ST6GALNAC5: variants seen among roughly 807,000 people sequenced by gnomAD.
ST6GALNAC5 encodes the protein ST6 N-acetylgalactosaminide alpha-2,6-sialyltransferase 5.
Under a neutral mutation model 33.6 loss-of-function variants are expected in ST6GALNAC5, and 27 were observed. The ratio of observed to expected loss-of-function variants is 0.80; its 90% CI spans 0.59 to 1.11. ST6GALNAC5 has a LOEUF of 1.11. Ranked by LOEUF, ST6GALNAC5 falls within the 50% of genes least tolerant of loss-of-function variation. The probability of loss-of-function intolerance (pLI) is 0.00; values close to 1 mark genes in which losing one functional copy is unlikely to be tolerated. For missense variants in ST6GALNAC5, 428 were observed against 454.0 expected (o/e 0.94, Z 0.52); for synonymous variants, 194 against 171.2 (o/e 1.13, Z -1.04).
chr1:76,982,830 A>G (rs1225094826), intron 2 of ST6GALNAC5, among the ~76,000 whole-genome samples: 5 of 152,120 alleles, frequency 3.3e-5, no homozygotes, highest in African/African-American at 1.2e-4. Flanking sequence ...GAAAGCCTAA[A>G]AGCCAGAAGA....
intron 2 of ST6GALNAC5, among the ~76,000 whole-genome samples, chr1:76,983,479 A>G (rs921073189): frequency 6.6e-6 from 1 of 152,194 alleles, no homozygotes; most frequent in Non-Finnish European, 1.5e-5. Context: ...CTAAATATAT[A>G]CGCACCCAAT....
chr1:76,918,206 T>A (rs1646994001), intron 2 of ST6GALNAC5, among the ~76,000 whole-genome samples: 1 of 152,136 alleles, frequency 6.6e-6, no homozygotes, highest in Admixed American at 6.6e-5. Flanking sequence ...GTGCCTGAAA[T>A]CTTTTTTCTG....
Position 76,867,659 on chromosome 1 carries a change from CAA to C in ST6GALNAC5, c.-14_-13del, listed in dbSNP as rs1448552571. 1 of 1,614,160 alleles carries C rather than the reference CAA, an allele frequency of 6.2e-7. No individual in the cohort carries two copies. The highest frequency in any genetic ancestry group is 8.5e-7 in the Non-Finnish European group (1 of 1,180,032). On this transcript the variant is annotated 5_prime_UTR_variant, in exon 1 of 5. Coordinates refer to ENST00000477717, the MANE Select transcript of ST6GALNAC5 (RefSeq NM_030965.3). Reference sequence around the variant, plus strand: ...GACGCGCGAGCCTGAGGATTCTGCACAAAAGAGGTGCCCAAAATGAAGACCCT... The same window carrying C: ...GACGCGCGAGCCTGAGGATTCTGCACAAGAGGTGCCCAAAATGAAGACCCT...
intron 2 of ST6GALNAC5, among the ~76,000 whole-genome samples, chr1:76,928,176 C>T (rs947877698): frequency 2.0e-5 from 3 of 152,074 alleles, no homozygotes; most frequent in Admixed American, 2.0e-4. Context: ...ATTTTACTAC[C>T]ACCTCTATTG....
At chr1:76,923,507 A>G (rs994197726) in intron 2 of ST6GALNAC5, among the ~76,000 whole-genome samples, 3 of 152,192 alleles carry the variant, frequency 2.0e-5, no homozygotes, top group East Asian at 3.9e-4. Context: ...AGCCTGGCCA[A>G]CATGGTGAAA....
chr1:76,981,833 A>C (rs1048634712), intron 2 of ST6GALNAC5, among the ~76,000 whole-genome samples: 2 of 152,226 alleles, frequency 1.3e-5, no homozygotes, highest in Non-Finnish European at 2.9e-5. Flanking sequence ...AATATTTGCT[A>C]TTCTGCAGCC....
intron 2 of ST6GALNAC5, among the ~76,000 whole-genome samples, chr1:77,034,780 CT>C (rs1397653237): frequency 6.6e-6 from 1 of 152,156 alleles, no homozygotes; most frequent in Admixed American, 6.5e-5. Context: ...TGTCTGTTTC[CT>C]TAAAACCACT....
intron 2 of ST6GALNAC5, among the ~76,000 whole-genome samples, chr1:77,023,863 T>A (rs2100439739): frequency 6.6e-6 from 1 of 152,246 alleles, no homozygotes; most frequent in South Asian, 2.1e-4. Context: ...ATGGGGGTAG[T>A]CATTGGGGTG....
chr1:77,056,103 A>G (rs1652387886), intron 4 of ST6GALNAC5, among the ~76,000 whole-genome samples: 1 of 152,192 alleles, frequency 6.6e-6, no homozygotes, highest in South Asian at 2.1e-4. Flanking sequence ...GTATCACCAG[A>G]CTTCAGGCAC....
At chr1:76,983,734 A>G (rs1312815363) in intron 2 of ST6GALNAC5, among the ~76,000 whole-genome samples, 1 of 152,246 alleles carries the variant, frequency 6.6e-6, no homozygotes, top group Admixed American at 6.5e-5. Context: ...CGTCGCACTT[A>G]TTCCAAAATT....
chr1:76,906,643 G>A (rs1646866628), intron 2 of ST6GALNAC5, among the ~76,000 whole-genome samples: 1 of 152,054 alleles, frequency 6.6e-6, no homozygotes, highest in African/African-American at 2.4e-5. Context: ...TGATAACATA[G>A]GGTATAAACA....
intron 2 of ST6GALNAC5, among the ~76,000 whole-genome samples, chr1:76,899,421 ATCGGGGCACAGAGATAAGAGG>A (rs1355842331): frequency 1.3e-5 from 2 of 151,746 alleles, no homozygotes; most frequent in African/African-American, 4.8e-5. Flanking sequence ...GAAATAAGGG[ATCGGGGCACAGAGATAAGAGG>A]TCGGGGCACA....
At position 77,027,105 on chromosome 1, in the gene ST6GALNAC5, G is replaced by C. The variant is rs550378946; in HGVS notation, c.262-17099G>C. On this transcript the variant is annotated intron_variant, in intron 2 of 4. Coordinates refer to ENST00000477717, the MANE Select transcript of ST6GALNAC5 (RefSeq NM_030965.3). The stretch of plus-strand genomic sequence containing the variant: ...AAGTTAATGACAGAAGCAAGCAGCA[G>C]GTGCCAGTGCCAGCTCCACTGCTCA... Among the ~76,000 whole-genome samples, 7 of 152,344 alleles carry C rather than the reference G, an allele frequency of 4.6e-5. No individual in the cohort carries two copies. The South Asian group carries it at 8.3e-4, about 18-fold the overall frequency.
At chr1:76,969,631 G>A (rs1222121314) in intron 2 of ST6GALNAC5, among the ~76,000 whole-genome samples, 3 of 152,198 alleles carry the variant, frequency 2.0e-5, no homozygotes, top group African/African-American at 7.2e-5. Context: ...AGAAACTTCT[G>A]CAGACTTAAA....
intron 2 of ST6GALNAC5, among the ~76,000 whole-genome samples, chr1:76,977,825 C>T (rs1181996184): frequency 1.3e-5 from 2 of 152,072 alleles, no homozygotes; most frequent in Non-Finnish European, 2.9e-5. Flanking sequence ...GATTTCATTT[C>T]CTTTGGATAT....
Position 77,063,019 on chromosome 1 carries a change from T to C in ST6GALNAC5, c.824T>C (p.Phe275Ser). The change falls in exon 5 of 5, where the codon TTT becomes TCT. Residue 275 changes from phenylalanine (F) to serine (S), a missense_variant. Transcript: ENST00000477717. ...GTACCTTATCATTATTATGAACCTTTTGGACCTGATGAATGTACAATGTAC... is the reference window on the plus strand; with the variant it reads ...GTACCTTATCATTATTATGAACCTTCTGGACCTGATGAATGTACAATGTAC... ...PSVPYHYYEP[F>S]GPDECTMYLS... is the part of the protein sequence containing the mutation. 2 of 1,613,882 alleles carry C rather than the reference T, an allele frequency of 1.2e-6. No individual in the cohort carries two copies. Among genetic ancestry groups the C allele is most frequent in the South Asian group, 2.2e-5 (2 of 91,072 alleles).
intron 3 of ST6GALNAC5, among the ~76,000 whole-genome samples, chr1:77,048,612 G>T (rs939678251): frequency 4.6e-5 from 7 of 152,082 alleles, no homozygotes; most frequent in African/African-American, 1.7e-4. Flanking sequence ...CATAATTCCT[G>T]CCCTGACTAC....
chr1:76,887,564 C>A (rs1653924789), intron 2 of ST6GALNAC5, among the ~76,000 whole-genome samples: 1 of 152,100 alleles, frequency 6.6e-6, no homozygotes, highest in Admixed American at 6.5e-5. Context: ...GGCAAGAGTA[C>A]AAATAGAGGC....
At chr1:76,937,824 C>A (rs575121070) in intron 2 of ST6GALNAC5, among the ~76,000 whole-genome samples, 2 of 152,058 alleles carry the variant, frequency 1.3e-5, no homozygotes, top group African/African-American at 2.4e-5. Context: ...GAGAACAGAA[C>A]TCTCTGTATT....
Sources: gnomAD v4.1 joint callset for allele counts (sites outside exome capture counted in the v4.1 genomes callset) on GRCh38, gnomAD v4.1.1 for gene constraint, MANE v1.5 for transcripts, NCBI Gene and HGNC (gene_info 2026-07-23, HGNC 2026-07-21) for gene names.